The following CELF4 variants were observed in gnomAD, a reference collection of about 807,000 sequenced individuals.
The protein encoded by CELF4 is CUG-BP- and ETR-3-like factor 4.
CELF4 carries 18 observed loss-of-function variants against 59.9 expected under a neutral mutation model. The ratio of observed to expected loss-of-function variants is 0.30; its 90% CI spans 0.21 to 0.45. The LOEUF is 0.45. Ranked by LOEUF, CELF4 falls within the 20% of genes least tolerant of loss-of-function variation. CELF4 has a pLI of 1.00. For missense variants in CELF4, 456 were observed against 689.0 expected (o/e 0.66, Z 3.79); for synonymous variants, 261 against 267.1 (o/e 0.98, Z 0.22).
At chr18:37,504,061 A>G (rs1031111493) in intron 1 of CELF4, among the ~76,000 whole-genome samples, 4 of 152,222 alleles carry the variant, frequency 2.6e-5, no homozygotes, top group African/African-American at 9.6e-5. Flanking sequence ...GCTAGAAATC[A>G]TGAACGTGGG....
intron 2 of CELF4, among the ~76,000 whole-genome samples, chr18:37,482,440 T>C (rs1449763660): frequency 6.6e-6 from 1 of 152,162 alleles, no homozygotes; most frequent in Non-Finnish European, 1.5e-5. Context: ...TGAAGCTTCA[T>C]AGTTTAATAA....
At position 37,303,145 on chromosome 18, in the gene CELF4, G is replaced by C. The variant is rs140370894; in HGVS notation, c.448+18658C>G. 2.6e-3 allele frequency among the ~76,000 whole-genome samples: 398 copies of C among 152,238 alleles called. 4 individuals carry two copies. The highest frequency in any genetic ancestry group is 9.3e-3 in the African/African-American group (386 of 41,540). Reference sequence around the variant, plus strand: ...CCTTTGGCTCATTTGAACCCCCTGGGTGAAGGCTTGCTCTGGCTAGAGGCA... The same window carrying C: ...CCTTTGGCTCATTTGAACCCCCTGGCTGAAGGCTTGCTCTGGCTAGAGGCA... On this transcript the variant is annotated intron_variant, in intron 3 of 12. Transcript: ENST00000420428.
At chr18:37,417,073 A>AG (rs1180991299) in intron 2 of CELF4, among the ~76,000 whole-genome samples, 1 of 152,190 alleles carries the variant, frequency 6.6e-6, no homozygotes, top group Non-Finnish European at 1.5e-5. Context: ...AAAAGAAAAC[A>AG]GAAAAAAAGG....
intron 2 of CELF4, among the ~76,000 whole-genome samples, chr18:37,365,481 ATTTTTT>A (rs10670336): frequency 1.0e-5 from 1 of 97,764 alleles, no homozygotes; most frequent in African/African-American, 4.3e-5. Flanking sequence ...GGATGGGGCA[ATTTTTT>A]TTTTTTTTTT....
intron 11 of CELF4, among the ~76,000 whole-genome samples, chr18:37,256,322 CAT>C (rs2069408028): frequency 6.6e-6 from 1 of 152,198 alleles, no homozygotes; most frequent in Non-Finnish European, 1.5e-5. Context: ...TAAATTTACA[CAT>C]GTGCTTATAA....
chr18:37,466,708 T>G (rs1351443014), intron 2 of CELF4, among the ~76,000 whole-genome samples: 1 of 152,056 alleles, frequency 6.6e-6, no homozygotes, highest in Non-Finnish European at 1.5e-5. Context: ...GAGCACAGTC[T>G]AGGGTGGAGC....
intron 11 of CELF4, among the ~76,000 whole-genome samples, chr18:37,255,235 C>CCGTCTT (rs2068495415): frequency 6.6e-6 from 1 of 151,978 alleles, no homozygotes; most frequent in Non-Finnish European, 1.5e-5. Flanking sequence ...GAAGTAGAAG[C>CCGTCTT]CGTCTTCTCA....
chr18:37,284,322 A>C (rs1167000487), intron 3 of CELF4, among the ~76,000 whole-genome samples: 1 of 151,370 alleles, frequency 6.6e-6, no homozygotes, highest in Non-Finnish European at 1.5e-5. Context: ...ACACACACAC[A>C]CCCCTTCCTC....
At chr18:37,308,473 G>A (rs1052091178) in intron 3 of CELF4, among the ~76,000 whole-genome samples, 1 of 152,160 alleles carries the variant, frequency 6.6e-6, no homozygotes, top group Non-Finnish European at 1.5e-5. Flanking sequence ...CCTCTGCCAT[G>A]CAGGATGTGC....
chr18:37,359,281 T>C (rs965484290), intron 2 of CELF4, among the ~76,000 whole-genome samples: 1 of 152,284 alleles, frequency 6.6e-6, no homozygotes, highest in African/African-American at 2.4e-5. Context: ...AGTGGTCACC[T>C]CTGGGTGTGG....
intron 2 of CELF4, among the ~76,000 whole-genome samples, chr18:37,411,906 C>T (rs967446848): frequency 1.3e-5 from 2 of 152,222 alleles, no homozygotes; most frequent in Non-Finnish European, 2.9e-5. Context: ...CACTGTTTCT[C>T]CTGCAGGAGG....
intron 3 of CELF4, among the ~76,000 whole-genome samples, chr18:37,316,422 C>A (rs1603451628): frequency 6.6e-6 from 1 of 152,148 alleles, no homozygotes; most frequent in East Asian, 1.9e-4. Context: ...CTTTGGCCTT[C>A]CTTCCCTACT....
chr18:37,471,713 G>A (rs2154602618), intron 2 of CELF4, among the ~76,000 whole-genome samples: 1 of 152,280 alleles, frequency 6.6e-6, no homozygotes, highest in African/African-American at 2.4e-5. Flanking sequence ...CTCCGCAGGA[G>A]GGAAGCCCCA....
chr18:37,525,951 A>G (rs1034718899), intron 1 of CELF4, among the ~76,000 whole-genome samples: 1 of 151,954 alleles, frequency 6.6e-6, no homozygotes, highest in African/African-American at 2.4e-5. Context: ...AACATTCCTT[A>G]CCTCCCTTCG....
chr18:37,521,047 G>A (rs1267857586), intron 1 of CELF4, among the ~76,000 whole-genome samples: 1 of 144,368 alleles, frequency 6.9e-6, no homozygotes, highest in African/African-American at 2.5e-5. Context: ...CAGCCTAGGG[G>A]ATGGGATGTG....
At chr18:37,443,479 C>T (rs975769278) in intron 2 of CELF4, among the ~76,000 whole-genome samples, 2 of 152,114 alleles carry the variant, frequency 1.3e-5, no homozygotes, top group Admixed American at 1.3e-4. Flanking sequence ...GAGAGCTCCC[C>T]ACCACCGAAG....
chr18:37,442,669 C>T (rs2099735910), intron 2 of CELF4, among the ~76,000 whole-genome samples: 1 of 152,212 alleles, frequency 6.6e-6, no homozygotes, highest in Non-Finnish European at 1.5e-5. Context: ...TACAAGGAAA[C>T]AGATTGTGCT....
At chr18:37,364,110 A>G (rs1462842951) in intron 2 of CELF4, among the ~76,000 whole-genome samples, 2 of 152,022 alleles carry the variant, frequency 1.3e-5, no homozygotes, top group Non-Finnish European at 2.9e-5. Context: ...TTTAAATGGG[A>G]ATGTTTCCAG....
intron 3 of CELF4, chr18:37,305,852 G>C (rs1431053703): frequency 6.6e-6 from 1 of 152,248 alleles, no homozygotes; most frequent in African/African-American, 2.4e-5. Flanking sequence ...CTCACTGATG[G>C]TCAACTTAGT....
Sources: allele counts gnomAD v4.1 joint callset (sites outside exome capture counted in the v4.1 genomes callset), GRCh38; gene constraint gnomAD v4.1.1; transcripts MANE v1.5; gene names NCBI Gene and HGNC (gene_info 2026-07-23, HGNC 2026-07-21).